PBX3: variants seen among roughly 807,000 people sequenced by gnomAD.
PBX3 encodes the protein pre-B-cell leukemia transcription factor 3.
A neutral mutation model predicts 48.5 loss-of-function variants in PBX3; 14 were observed. The observed-to-expected ratio is 0.29, with a 90% confidence interval of 0.19 to 0.45. The LOEUF is 0.45. PBX3 is among the 20% of genes least tolerant of loss of function. The probability of loss-of-function intolerance (pLI) is 1.00; values close to 1 mark genes in which losing one functional copy is unlikely to be tolerated. For synonymous variants in PBX3, 210 were observed against 200.3 expected, an observed-to-expected ratio of 1.05 and a Z score of -0.41; for missense variants, 386 against 546.7, an observed-to-expected ratio of 0.71 and a Z score of 2.93.
chr9:125,824,843 C>T (rs1035301105), intron 2 of PBX3, among the ~76,000 whole-genome samples: 2 of 152,092 alleles, frequency 1.3e-5, no homozygotes, highest in Non-Finnish European at 2.9e-5. Flanking sequence ...CTACCATTGA[C>T]TGAACGTTGA....
intron 2 of PBX3, among the ~76,000 whole-genome samples, chr9:125,833,078 T>G (rs920767618): frequency 6.6e-6 from 1 of 152,218 alleles, no homozygotes; most frequent in African/African-American, 2.4e-5. Flanking sequence ...GGAAAATTTC[T>G]TTGAGCTTTA....
At chr9:125,891,672 A>T (rs1840647025) in intron 2 of PBX3, among the ~76,000 whole-genome samples, 3 of 152,244 alleles carry the variant, frequency 2.0e-5, no homozygotes, top group Admixed American at 2.0e-4. Context: ...TTTAAAAATG[A>T]CAAAGTTAAA....
chr9:125,951,406 G>T lies in PBX3; in HGVS notation c.844-9278G>T, dbSNP rs189427827. ...CACCTCCTTTTCCCTTCTTGCTGCTGCCTGTTCCCTCTTGCCAGTGTCTCA... is the reference window on the plus strand; with the variant it reads ...CACCTCCTTTTCCCTTCTTGCTGCTTCCTGTTCCCTCTTGCCAGTGTCTCA... On this transcript the variant is annotated intron_variant, in intron 5 of 8. Transcript: ENST00000373489. Among the ~76,000 whole-genome samples the T allele has an allele frequency of 2.5e-3, 383 of 152,222 alleles. 1 individual carries two copies. The highest frequency in any genetic ancestry group is 2.0e-3 in the Non-Finnish European group (134 of 68,026).
chr9:125,840,144 G>T (rs1364396989), intron 2 of PBX3, among the ~76,000 whole-genome samples: 1 of 151,940 alleles, frequency 6.6e-6, no homozygotes, highest in Non-Finnish European at 1.5e-5. Context: ...ATTAATAATT[G>T]TGACTTGTCT....
chr9:125,792,033 T>TACAC (rs550111379), intron 2 of PBX3, among the ~76,000 whole-genome samples: 8 of 137,476 alleles, frequency 5.8e-5, no homozygotes, highest in East Asian at 2.1e-4. Context: ...GGATTAATAC[T>TACAC]ACACACACAC....
intron 2 of PBX3, among the ~76,000 whole-genome samples, chr9:125,754,650 T>A (rs1007942277): frequency 3.9e-5 from 6 of 152,128 alleles, no homozygotes; most frequent in Non-Finnish European, 8.8e-5. Context: ...TTATCCCTTT[T>A]GTAGGCAGAA....
chr9:125,866,146 C>T (rs1311834846), intron 2 of PBX3, among the ~76,000 whole-genome samples: 1 of 152,108 alleles, frequency 6.6e-6, no homozygotes, highest in Middle Eastern at 3.2e-3. Context: ...TATTAATTTT[C>T]AAAAGTGAGT....
intron 5 of PBX3, among the ~76,000 whole-genome samples, chr9:125,944,238 C>T (rs761619599): frequency 2.6e-5 from 4 of 152,194 alleles, no homozygotes; most frequent in African/African-American, 9.6e-5. Flanking sequence ...ATTTCTCTCC[C>T]AATTCTTCTG....
At position 125,853,143 on chromosome 9, in the gene PBX3, A is replaced by G. The variant is rs149011291; in HGVS notation, c.275-62543A>G. Among the ~76,000 whole-genome samples the G allele has an allele frequency of 3.9e-3, 594 of 152,292 alleles. 3 individuals carry two copies. The highest frequency in any genetic ancestry group is 0.013 in the African/African-American group (558 of 41,564). On this transcript the variant is annotated intron_variant, in intron 2 of 8. Transcript: ENST00000373489. ...TTGGCCATGTTAGTATTATGCTTCAACCATCTTTTTCCACACCTCAGAATT... is the reference window on the plus strand; with the variant it reads ...TTGGCCATGTTAGTATTATGCTTCAGCCATCTTTTTCCACACCTCAGAATT...
At chr9:125,865,524 A>C (rs895956947) in intron 2 of PBX3, among the ~76,000 whole-genome samples, 12 of 152,202 alleles carry the variant, frequency 7.9e-5, no homozygotes, top group African/African-American at 2.9e-4. Flanking sequence ...ATGATTTATA[A>C]AATTATTATT....
In PBX3 at chr9:125,899,368, C is replaced by CATATATGTATATATTTTTATATAA. The variant is rs1311123985; in HGVS notation, c.275-16312_275-16289dup. Reference sequence around the variant, plus strand: ...GTATATATTTTTATATAAATATATACATATATGTATATATTTTTATATAAA... The same window carrying CATATATGTATATATTTTTATATAA: ...GTATATATTTTTATATAAATATATACATATATGTATATATTTTTATATAAATATATGTATATATTTTTATATAAA... On this transcript the variant is annotated intron_variant, in intron 2 of 8. Coordinates refer to ENST00000373489, the MANE Select transcript of PBX3 (RefSeq NM_006195.6). Among the ~76,000 whole-genome samples the CATATATGTATATATTTTTATATAA allele has an allele frequency of 1.5e-3, 58 of 38,370 alleles. 5 individuals are homozygous for CATATATGTATATATTTTTATATAA. Among genetic ancestry groups the CATATATGTATATATTTTTATATAA allele is most frequent in the African/African-American group, 5.1e-3 (51 of 10,074 alleles). The allele number at this position is 38,370 out of a possible 152,430, so 25.2% of individuals were successfully genotyped here.
chr9:125,851,546 G>T (rs1839578228), intron 2 of PBX3, among the ~76,000 whole-genome samples: 1 of 151,978 alleles, frequency 6.6e-6, no homozygotes, highest in African/African-American at 2.4e-5. Flanking sequence ...CACTATGTTG[G>T]CCTAAAAAAT....
At chr9:125,824,561 T>C (rs1431191787) in intron 2 of PBX3, among the ~76,000 whole-genome samples, 1 of 152,234 alleles carries the variant, frequency 6.6e-6, no homozygotes, top group Non-Finnish European at 1.5e-5. Context: ...CAAGGTATAT[T>C]GTAAGTCTAG....
chr9:125,948,720 G>GTGTA lies in PBX3; in HGVS notation c.844-11963_844-11962insGTAT, dbSNP rs1554732476. 3.0e-3 allele frequency among the ~76,000 whole-genome samples: 445 copies of GTGTA among 149,658 alleles called. 3 individuals are homozygous for GTGTA. The highest frequency in any genetic ancestry group is 0.019 in the East Asian group (97 of 5,112). ...CAGGTATATACGTGTGTGTGTGTGT[G>GTGTA]TATATATATATATATACATGCACAC... On this transcript the variant is annotated intron_variant, in intron 5 of 8. Transcript: ENST00000373489.
At chr9:125,760,576 C>A (rs1836639879) in intron 2 of PBX3, among the ~76,000 whole-genome samples, 4 of 151,964 alleles carry the variant, frequency 2.6e-5, no homozygotes, top group Non-Finnish European at 4.4e-5. Context: ...ATTATTTTTT[C>A]AAAATTGTAT....
intron 5 of PBX3, among the ~76,000 whole-genome samples, chr9:125,951,017 G>A (rs779846335): frequency 4.6e-5 from 7 of 152,112 alleles, no homozygotes; most frequent in Non-Finnish European, 8.8e-5. Flanking sequence ...ATAATGAAAC[G>A]GGCTTTGTAA....
chr9:125,949,393 C>T, intron 5 of PBX3: 9 of 1,550,712 alleles, frequency 5.8e-6, no homozygotes, highest in Non-Finnish European at 7.8e-6. Flanking sequence ...TGTAAAGGAT[C>T]CAAAAGAAAG....
At chr9:125,928,535 G>A (rs1841639075) in intron 3 of PBX3, among the ~76,000 whole-genome samples, 1 of 150,766 alleles carries the variant, frequency 6.6e-6, no homozygotes, top group Non-Finnish European at 1.5e-5. Flanking sequence ...GCGCGATCTC[G>A]GCTCACTGCA....
At chr9:125,843,049 T>G (rs1839329007) in intron 2 of PBX3, among the ~76,000 whole-genome samples, 1 of 151,254 alleles carries the variant, frequency 6.6e-6, no homozygotes, top group South Asian at 2.1e-4. Flanking sequence ...CAGGGCTTGA[T>G]TGACTTACTT....
Sources: allele counts gnomAD v4.1 joint callset (sites outside exome capture counted in the v4.1 genomes callset), GRCh38; gene constraint gnomAD v4.1.1; transcripts MANE v1.5; gene names NCBI Gene and HGNC (gene_info 2026-07-23, HGNC 2026-07-21).